The following TBC1D5 variants were observed in gnomAD, a reference collection of about 807,000 sequenced individuals.
TBC1D5 encodes TBC1 domain family, member 5.
In TBC1D5, 75 loss-of-function variants were observed where a neutral mutation model predicts 100.3. The ratio of observed to expected loss-of-function variants is 0.75; its 90% CI spans 0.62 to 0.91. The LOEUF (loss-of-function observed/expected upper bound fraction) is 0.91, where lower values mean the gene tolerates loss of function less well. Among genes scored for constraint, TBC1D5 ranks in the 40% least tolerant of loss-of-function variants. The pLI is 0.00. For synonymous variants in TBC1D5, 323 were observed against 325.6 expected, an observed-to-expected ratio of 0.99 and a Z score of 0.09; for missense variants, 910 against 942.4, an observed-to-expected ratio of 0.97 and a Z score of 0.45.
At chr3:17,682,564 G>A (rs1473735247) in intron 1 of TBC1D5, among the ~76,000 whole-genome samples, 1 of 151,336 alleles carries the variant, frequency 6.6e-6, no homozygotes, top group Admixed American at 6.6e-5. Flanking sequence ...TAAGACTCCT[G>A]TTAAACATAC....
chr3:17,672,143 T>C (rs1436129733), intron 1 of TBC1D5, among the ~76,000 whole-genome samples: 2 of 152,248 alleles, frequency 1.3e-5, no homozygotes, highest in African/African-American at 4.8e-5. Context: ...GTGTAATAGA[T>C]GTTTAAATAT....
chr3:17,238,835 C>T (rs965018036), intron 16 of TBC1D5, among the ~76,000 whole-genome samples: 7 of 152,282 alleles, frequency 4.6e-5, no homozygotes, highest in Admixed American at 2.0e-4. Flanking sequence ...GGGGTCCTCA[C>T]AGAAGGGGGC....
chr3:17,261,373 A>G (rs1207743678), intron 15 of TBC1D5, among the ~76,000 whole-genome samples: 3 of 150,606 alleles, frequency 2.0e-5, no homozygotes, highest in Non-Finnish European at 2.9e-5. Context: ...TACCAAAATG[A>G]TATCAATGGT....
At chr3:17,314,930 C>A (rs1470313418) in intron 13 of TBC1D5, among the ~76,000 whole-genome samples, 2 of 152,170 alleles carry the variant, frequency 1.3e-5, no homozygotes, top group African/African-American at 4.8e-5. Context: ...TAGAACCCAT[C>A]CCCAAAGTTT....
chr3:17,523,319 T>G (rs1398168170), intron 2 of TBC1D5, among the ~76,000 whole-genome samples: 1 of 152,080 alleles, frequency 6.6e-6, no homozygotes, highest in South Asian at 2.1e-4. Context: ...GAAATAGAGA[T>G]GAGAAGAGAA....
At chr3:17,346,645 C>A (rs1013516129) in intron 13 of TBC1D5, among the ~76,000 whole-genome samples, 3 of 152,080 alleles carry the variant, frequency 2.0e-5, no homozygotes, top group African/African-American at 7.2e-5. Flanking sequence ...ATAGAAAGGT[C>A]CAGCCATACC....
chr3:17,686,568 A>G (rs959642243), intron 1 of TBC1D5, among the ~76,000 whole-genome samples: 1 of 152,210 alleles, frequency 6.6e-6, no homozygotes, highest in Non-Finnish European at 1.5e-5. Context: ...ACTGAGGCCC[A>G]GTAAAATTAT....
intron 2 of TBC1D5, among the ~76,000 whole-genome samples, chr3:17,593,289 T>C (rs1451553137): frequency 6.6e-6 from 1 of 152,116 alleles, no homozygotes; most frequent in East Asian, 1.9e-4. Context: ...CAGCTGCCCC[T>C]GTCATCACCC....
chr3:17,730,019 G>A (rs2076429791), intron 1 of TBC1D5, among the ~76,000 whole-genome samples: 1 of 151,942 alleles, frequency 6.6e-6, no homozygotes. Flanking sequence ...GCCGAGGCAG[G>A]AGAATCGCTT....
At chr3:17,376,876 G>C (rs1454035675) in intron 9 of TBC1D5, among the ~76,000 whole-genome samples, 1 of 152,014 alleles carries the variant, frequency 6.6e-6, no homozygotes, top group Non-Finnish European at 1.5e-5. Context: ...CAATAAATTG[G>C]CATGGTAGAT....
chr3:17,502,136 G>A (rs1011705344), intron 3 of TBC1D5, among the ~76,000 whole-genome samples: 4 of 149,306 alleles, frequency 2.7e-5, no homozygotes, highest in African/African-American at 7.6e-5. Context: ...TTCCAAGACC[G>A]CAGAACTCTT....
chr3:17,382,989 GTTAA>G (rs1300230857), intron 9 of TBC1D5, among the ~76,000 whole-genome samples: 23 of 151,982 alleles, frequency 1.5e-4, no homozygotes, highest in Admixed American at 5.9e-4. Context: ...ATTGTCAGCA[GTTAA>G]TTAATACAGA....
chr3:17,605,793 A>T (rs2061301635), intron 2 of TBC1D5, among the ~76,000 whole-genome samples: 1 of 152,212 alleles, frequency 6.6e-6, no homozygotes, highest in Non-Finnish European at 1.5e-5. Flanking sequence ...GGGGAAATAA[A>T]GACTTTGTTA....
At chr3:17,373,562 A>G (rs1000681884) in intron 12 of TBC1D5, among the ~76,000 whole-genome samples, 1 of 152,206 alleles carries the variant, frequency 6.6e-6, no homozygotes, top group African/African-American at 2.4e-5. Flanking sequence ...AAGCTTGTAT[A>G]TAAATGCTCA....
chr3:17,328,027 T>A (rs1394531200), intron 13 of TBC1D5, among the ~76,000 whole-genome samples: 2 of 152,196 alleles, frequency 1.3e-5, no homozygotes, highest in Non-Finnish European at 2.9e-5. Flanking sequence ...CCAGCACTTT[T>A]GAGAGGCCAA....
intron 3 of TBC1D5, among the ~76,000 whole-genome samples, chr3:17,452,250 G>T (rs534298500): frequency 6.6e-6 from 1 of 151,588 alleles, no homozygotes; most frequent in Non-Finnish European, 1.5e-5. Flanking sequence ...AGGAAGGAAG[G>T]GAAGATTACA....
At chr3:17,668,142 T>A (rs190428660) in intron 1 of TBC1D5, among the ~76,000 whole-genome samples, 141 of 148,238 alleles carry the variant, frequency 9.5e-4, no homozygotes, top group African/African-American at 3.3e-3. Flanking sequence ...TATAAAGGCA[T>A]TTCACTTAAA....
intron 13 of TBC1D5, among the ~76,000 whole-genome samples, chr3:17,348,062 C>G (rs1277197110): frequency 1.3e-5 from 2 of 152,144 alleles, no homozygotes; most frequent in Non-Finnish European, 2.9e-5. Flanking sequence ...ACAATATCAT[C>G]TTGGACTTTA....
At chr3:17,419,553 C>A (rs1411543882) in intron 4 of TBC1D5, among the ~76,000 whole-genome samples, 1 of 152,170 alleles carries the variant, frequency 6.6e-6, no homozygotes, top group African/African-American at 2.4e-5. Context: ...TGAAGACCAT[C>A]TTTGTACATG....
Sources: allele counts gnomAD v4.1 joint callset (sites outside exome capture counted in the v4.1 genomes callset), GRCh38; gene constraint gnomAD v4.1.1; transcripts MANE v1.5; gene names NCBI Gene and HGNC (gene_info 2026-07-23, HGNC 2026-07-21).